The following NKD2 variants were observed in gnomAD, a reference collection of about 807,000 sequenced individuals.
NKD2 encodes protein naked cuticle homolog 2.
NKD2 carries 43 observed loss-of-function variants against 34.8 expected under a neutral mutation model. The ratio of observed to expected loss-of-function variants is 1.24; its 90% CI spans 0.97 to 1.60. NKD2 has a LOEUF of 1.60. NKD2 is among the 40% of genes most tolerant of loss of function. The pLI is 0.00. For missense variants in NKD2, 675 were observed against 627.1 expected, an observed-to-expected ratio of 1.08 and a Z score of -0.82; for synonymous variants, 278 against 265.1, an observed-to-expected ratio of 1.05 and a Z score of -0.47.
At chr5:1,010,141 C>T (rs1246112552) in intron 3 of NKD2, among the ~76,000 whole-genome samples, 1 of 152,154 alleles carries the variant, frequency 6.6e-6, no homozygotes, top group African/African-American at 2.4e-5. Context: ...AAGGCTGGCT[C>T]AAGAGCCAGG....
intron 3 of NKD2, among the ~76,000 whole-genome samples, chr5:1,021,875 A>C (rs1756204487): frequency 6.6e-6 from 1 of 152,116 alleles, no homozygotes; most frequent in African/African-American, 2.4e-5. Flanking sequence ...CTTTGCATTT[A>C]AAGAGCCTTG....
rs1228351714 is a variant in NKD2 at position 1,009,779 on chromosome 5, C to T, written c.141+219C>T. Among the ~76,000 whole-genome samples the T allele has an allele frequency of 2.0e-5, 3 of 150,018 alleles. No individual in the cohort carries two copies. The highest frequency in any genetic ancestry group is 4.1e-4 in the South Asian group (2 of 4,824). ...CTTGCTAGTGTCCCATGCTGAGTGGCGGGTAGGGGAATCGGAATTCCTTGT... is the reference window on the plus strand; with the variant it reads ...CTTGCTAGTGTCCCATGCTGAGTGGTGGGTAGGGGAATCGGAATTCCTTGT... On this transcript the variant is annotated intron_variant, in intron 3 of 9. Coordinates refer to ENST00000296849, the MANE Select transcript of NKD2 (RefSeq NM_033120.4). The surrounding 1 kb of genome is among the most constrained non-coding windows in gnomAD (Gnocchi z 6.9).
chr5:1,034,686 T>C, intron 6 of NKD2, 70 bp from the exon 7 acceptor site: 1 of 1,521,448 alleles, frequency 6.6e-7, no homozygotes, highest in East Asian at 2.3e-5. Flanking sequence ...CTGGATGTGT[T>C]TTCTGGCAGG....
In NKD2 at chr5:1,034,880, A is replaced by G. The variant is rs889691729; in HGVS notation, c.551A>G (p.Lys184Arg). The change falls in exon 7 of 10, where the codon AAG becomes AGG. Residue 184 changes from lysine to arginine, a missense_variant. By Grantham distance (26) the Lys-to-Arg change is conservative. Coordinates refer to ENST00000296849, the MANE Select transcript of NKD2 (RefSeq NM_033120.4). Reference sequence around the variant, plus strand: ...AGCCCTGAGCCCTCCAGCAAGAGGAAGGAGGGTCCTCCTGCTGGCCAGGGT... The same window carrying G: ...AGCCCTGAGCCCTCCAGCAAGAGGAGGGAGGGTCCTCCTGCTGGCCAGGGT... ...TVSPEPSSKRKEGPPAGQDRE... is the reference protein window; with the variant it reads ...TVSPEPSSKRREGPPAGQDRE... 6.2e-7 allele frequency: 1 copy of G among 1,611,600 alleles called. No homozygotes were observed. Among genetic ancestry groups the G allele is most frequent in the Non-Finnish European group, 8.5e-7 (1 of 1,179,256 alleles).
chr5:1,033,420 T>A lies in NKD2; in HGVS notation c.251T>A (p.Leu84His), dbSNP rs546465859. 31 of 1,592,118 alleles carry A rather than the reference T, an allele frequency of 1.9e-5. No homozygotes were observed. The highest frequency in any genetic ancestry group is 5.4e-5 in the African/African-American group (4 of 74,284). The change falls in exon 5 of 10, where the codon CTC (leucine) becomes CAC (histidine). Residue 84 changes from leucine (L) to histidine (H), a missense_variant. Leu to His is a moderately conservative substitution (Grantham distance 99). Transcript: ENST00000296849. Reference sequence around the variant, plus strand: ...GAGGGCCGCGAGCACCCGGGACAACTCCTCAGCGCAGATGACGGAGAGAGG... The same window carrying A: ...GAGGGCCGCGAGCACCCGGGACAACACCTCAGCGCAGATGACGGAGAGAGG... ...KAEGREHPGQLLSADDGERAA... is the reference protein window; with the variant it reads ...KAEGREHPGQHLSADDGERAA...
intron 7 of NKD2, among the ~76,000 whole-genome samples, 161 bp downstream of exon 7, chr5:1,035,064 G>T (rs889605701): frequency 6.6e-6 from 1 of 152,224 alleles, no homozygotes; most frequent in African/African-American, 2.4e-5. Flanking sequence ...GAGTGAGAGA[G>T]TAAGTGGGTG....
Position 1,009,703 on chromosome 5 carries a change from GC to G in NKD2, c.141+145del. 1 of 647,508 alleles carries G rather than the reference GC, an allele frequency of 1.5e-6. No individual in the cohort carries two copies. The highest frequency in any genetic ancestry group is 2.4e-6 in the Non-Finnish European group (1 of 420,230). The allele number at this position is 647,508 out of a possible 1,614,324, so 40.1% of individuals were successfully genotyped here. On this transcript the variant is annotated intron_variant, in intron 3 of 9. Transcript: ENST00000296849. This position sits in a 1 kb window ranked among gnomAD's most constrained non-coding sequence, Gnocchi z 6.9. Reference sequence around the variant, plus strand: ...GCACGAGTGACCGGGGGCCAGGAGAGCCAGTCTCTCCCCAGCCTCCACGACG... The same window carrying G: ...GCACGAGTGACCGGGGGCCAGGAGAGCAGTCTCTCCCCAGCCTCCACGACG...
At chr5:1,019,210 A>G (rs942066993) in intron 3 of NKD2, among the ~76,000 whole-genome samples, 5 of 152,186 alleles carry the variant, frequency 3.3e-5, no homozygotes, top group African/African-American at 7.2e-5. Flanking sequence ...AGTGACCCCA[A>G]GACGTGCTGT....
chr5:1,021,064 T>G (rs1319756243), intron 3 of NKD2, among the ~76,000 whole-genome samples: 1 of 152,174 alleles, frequency 6.6e-6, no homozygotes, highest in Non-Finnish European at 1.5e-5. Flanking sequence ...ATTTCTATTT[T>G]CTGGTCTTAT....
chr5:1,037,354 G>A (rs562612766), intron 9 of NKD2, among the ~76,000 whole-genome samples: 8 of 152,168 alleles, frequency 5.3e-5, no homozygotes, highest in South Asian at 2.1e-4. Context: ...CTCCTTGGCC[G>A]CGCTCTGCAC....
intron 3 of NKD2, among the ~76,000 whole-genome samples, chr5:1,013,383 C>T (rs1476688813): frequency 1.3e-5 from 2 of 152,184 alleles, no homozygotes; most frequent in Non-Finnish European, 2.9e-5. Context: ...TACAGGCAGC[C>T]GTGTTCCTAC....
chr5:1,028,926 G>A (rs962108011), intron 3 of NKD2, among the ~76,000 whole-genome samples: 2 of 152,214 alleles, frequency 1.3e-5, no homozygotes, highest in Admixed American at 6.5e-5. Context: ...ATTGGGCCAG[G>A]CCTGCTGGGA....
chr5:1,036,524 C>A, intron 9 of NKD2, 140 bp downstream of exon 9: 1 of 677,424 alleles, frequency 1.5e-6, no homozygotes, highest in Non-Finnish European at 2.5e-6. Flanking sequence ...CCCACCCCAC[C>A]CAGGACGGCA....
chr5:1,021,577 T>C (rs1357244759), intron 3 of NKD2, among the ~76,000 whole-genome samples: 2 of 151,742 alleles, frequency 1.3e-5, no homozygotes, highest in African/African-American at 4.8e-5. Context: ...TCGGAATTAT[T>C]AAGCCCGTAA....
rs1755676062 is a variant in NKD2, at chr5:1,009,714, C to T, written c.141+154C>T. 6.6e-6 allele frequency among the ~76,000 whole-genome samples: 1 copy of T among 152,142 alleles called. No individual in the cohort carries two copies. The highest frequency in any genetic ancestry group is 2.4e-5 in the African/African-American group (1 of 41,438). ...CGGGGGCCAGGAGAGCCAGTCTCTCCCCAGCCTCCACGACGTCTGGGGCTC... is the reference window on the plus strand; with the variant it reads ...CGGGGGCCAGGAGAGCCAGTCTCTCTCCAGCCTCCACGACGTCTGGGGCTC... On this transcript the variant is annotated intron_variant, in intron 3 of 9. Coordinates refer to ENST00000296849, the MANE Select transcript of NKD2 (RefSeq NM_033120.4). This position sits in a 1 kb window ranked among gnomAD's most constrained non-coding sequence, Gnocchi z 6.9.
rs1324243768 is a variant in NKD2, at chr5:1,008,941, C to T, written c.-117C>T. The T allele has an allele frequency of 5.0e-6, 2 of 396,586 alleles. No homozygotes were observed. Among genetic ancestry groups the T allele is most frequent in the African/African-American group, 2.1e-5 (1 of 47,948 alleles). The allele number at this position is 396,586 out of a possible 1,614,324, so 24.6% of individuals were successfully genotyped here. On this transcript the variant is annotated 5_prime_UTR_variant, in exon 1 of 10. Transcript: ENST00000296849. ...GCGGCGTGGAGCCATCTTCCCTCACCTCCTACCGGCACCCTAGCTTGCTCC... is the reference window on the plus strand; with the variant it reads ...GCGGCGTGGAGCCATCTTCCCTCACTTCCTACCGGCACCCTAGCTTGCTCC...
intron 3 of NKD2, among the ~76,000 whole-genome samples, chr5:1,021,398 C>T (rs1219426047): frequency 7.7e-6 from 1 of 130,594 alleles, no homozygotes; most frequent in Non-Finnish European, 1.6e-5. Context: ...CCACCCGTCC[C>T]AACCCCTGCC....
rs1051943009 is a variant in NKD2 at position 1,037,460 on chromosome 5, C to T, written c.788-345C>T. ...TTTTGTAATGAGGGTTTAGGGGATG[C>T]GAATCCTGGGGGCGCCCTCCCTGAT... On this transcript the variant is annotated intron_variant, in intron 9 of 9. Coordinates refer to ENST00000296849, the MANE Select transcript of NKD2 (RefSeq NM_033120.4). The T allele has an allele frequency of 1.5e-5, 22 of 1,448,108 alleles. 1 individual carries two copies. In the Middle Eastern group the frequency reaches 8.6e-4, roughly 57 times the overall value. 89.7% of individuals were successfully genotyped at this position (1,448,108 alleles called of 1,614,324 possible). A position where few individuals can be genotyped will look rare whatever the true frequency, so the allele number is the denominator to read the frequency against.
chr5:1,036,094 G>C, intron 8 of NKD2, 163 bp from the exon 9 acceptor site: 1 of 1,341,334 alleles, frequency 7.5e-7, no homozygotes, highest in Non-Finnish European at 9.5e-7. Flanking sequence ...GACGGCACTT[G>C]ACTGTCTGTG....
Sources: gnomAD v4.1 joint callset for allele counts (sites outside exome capture counted in the v4.1 genomes callset) on GRCh38, gnomAD v4.1.1 for gene constraint, Gnocchi (gnomAD v3.1) non-coding constraint, MANE v1.5 for transcripts, NCBI Gene and HGNC (gene_info 2026-07-23, HGNC 2026-07-21) for gene names.